CADPS2: variants seen among roughly 807,000 people sequenced by gnomAD.
CADPS2 encodes calcium-dependent secretion activator 2.
CADPS2 carries 93 observed loss-of-function variants against 172.5 expected under a neutral mutation model. The ratio of observed to expected loss-of-function variants is 0.54; its 90% confidence interval spans 0.46 to 0.64. The LOEUF is 0.64. Among genes scored for constraint, CADPS2 ranks in the 30% least tolerant of loss-of-function variants. CADPS2 has a pLI of 0.00. For missense variants in CADPS2, 1,420 were observed against 1,565.9 expected, an observed-to-expected ratio of 0.91 and a Z score of 1.57; for synonymous variants, 546 against 555.2, an observed-to-expected ratio of 0.98 and a Z score of 0.23.
chr7:122,732,804 T>TATATATATA (rs57267990), intron 2 of CADPS2, among the ~76,000 whole-genome samples: 1 of 140,640 alleles, frequency 7.1e-6, no homozygotes, highest in African/African-American at 2.7e-5. Flanking sequence ...ACATTATATA[T>TATATATATA]TATATACATA....
intron 2 of CADPS2, among the ~76,000 whole-genome samples, chr7:122,675,787 G>C (rs1326226836): frequency 6.6e-6 from 1 of 152,076 alleles, no homozygotes; most frequent in African/African-American, 2.4e-5. Context: ...CATGCACGCA[G>C]GGAGGGGAAC....
chr7:122,406,070 T>TC (rs2151644549), intron 20 of CADPS2, among the ~76,000 whole-genome samples: 1 of 152,298 alleles, frequency 6.6e-6, no homozygotes, highest in East Asian at 1.9e-4. Flanking sequence ...ACATGATGCC[T>TC]CCCTTACTAG....
At chr7:122,617,792 T>C (rs911177491) in intron 5 of CADPS2, among the ~76,000 whole-genome samples, 8 of 152,060 alleles carry the variant, frequency 5.3e-5, no homozygotes, top group East Asian at 1.9e-4. Flanking sequence ...GCCTGTAATC[T>C]CAGCACTTTG....
intron 14 of CADPS2, among the ~76,000 whole-genome samples, chr7:122,460,585 T>C (rs905502848): frequency 2.6e-5 from 4 of 152,028 alleles, no homozygotes; most frequent in South Asian, 4.1e-4. Context: ...TAATCTTAAG[T>C]ATAAATGTTT....
intron 14 of CADPS2, among the ~76,000 whole-genome samples, chr7:122,452,344 A>C (rs1318702564): frequency 6.6e-6 from 1 of 152,054 alleles, no homozygotes; most frequent in Non-Finnish European, 1.5e-5. Flanking sequence ...ATAACAAAAT[A>C]AACCTTTTGC....
chr7:122,453,306 C>T (rs1381133072), intron 14 of CADPS2, among the ~76,000 whole-genome samples: 2 of 152,052 alleles, frequency 1.3e-5, no homozygotes, highest in Non-Finnish European at 2.9e-5. Context: ...TGAGCTAATA[C>T]TAATATTTTA....
chr7:122,718,240 T>G (rs1448294981), intron 2 of CADPS2, among the ~76,000 whole-genome samples: 2 of 152,088 alleles, frequency 1.3e-5, no homozygotes, highest in African/African-American at 4.8e-5. Context: ...CATCTTAATT[T>G]GACTACTCAA....
intron 14 of CADPS2, among the ~76,000 whole-genome samples, chr7:122,456,952 A>G (rs1374076070): frequency 6.6e-6 from 1 of 152,230 alleles, no homozygotes; most frequent in Non-Finnish European, 1.5e-5. Flanking sequence ...ACTCTTTTAT[A>G]TACATTGAAC....
At chr7:122,821,764 G>A (rs1011004391) in intron 1 of CADPS2, among the ~76,000 whole-genome samples, 1 of 152,106 alleles carries the variant, frequency 6.6e-6, no homozygotes, top group African/African-American at 2.4e-5. Flanking sequence ...AAGTAGAATG[G>A]ACTAAAGGTC....
At position 122,791,371 on chromosome 7, in the gene CADPS2, T is replaced by G. The variant is rs969950451; in HGVS notation, c.340-54303A>C. Among the ~76,000 whole-genome samples, 8 of 152,178 alleles carry G rather than the reference T, an allele frequency of 5.3e-5. No homozygotes were observed. The East Asian group carries it at 1.3e-3, about 26-fold the overall frequency. On this transcript the variant is annotated intron_variant, in intron 1 of 29. Coordinates refer to ENST00000449022, the MANE Select transcript of CADPS2 (RefSeq NM_017954.11). ...CTTAAACCTTGCTACTCTTTTTTTT[T>G]TCTTTCAAATATTCTAATCTTCCAT...
At chr7:122,775,109 T>A (rs765267429) in intron 1 of CADPS2, among the ~76,000 whole-genome samples, 10 of 152,216 alleles carry the variant, frequency 6.6e-5, no homozygotes, top group Non-Finnish European at 1.5e-4. Context: ...TATAAAAGTT[T>A]TATGGAAATT....
intron 7 of CADPS2, among the ~76,000 whole-genome samples, chr7:122,580,263 T>C (rs2068621335): frequency 6.6e-6 from 1 of 152,004 alleles, no homozygotes; most frequent in African/African-American, 2.4e-5. Flanking sequence ...AAGACAAGCC[T>C]GGCCAAGATG....
intron 7 of CADPS2, among the ~76,000 whole-genome samples, chr7:122,566,212 C>T (rs1490716925): frequency 6.6e-6 from 1 of 152,020 alleles, no homozygotes; most frequent in Non-Finnish European, 1.5e-5. Context: ...ACCTGAATGG[C>T]TATTACCAAC....
chr7:122,551,451 A>G (rs1363446697), intron 8 of CADPS2, among the ~76,000 whole-genome samples: 1 of 152,072 alleles, frequency 6.6e-6, no homozygotes, highest in African/African-American at 2.4e-5. Context: ...AATATAAATA[A>G]CATTGATAAA....
intron 1 of CADPS2, 70 bp from the exon 2 acceptor site, chr7:122,737,138 A>G (rs1164749651): frequency 3.9e-6 from 3 of 778,578 alleles, no homozygotes; most frequent in Non-Finnish European, 6.6e-6. Flanking sequence ...ATTAAAAATC[A>G]TATTTGCTGT....
At chr7:122,719,419 G>T (rs142560986) in intron 2 of CADPS2, among the ~76,000 whole-genome samples, 1 of 152,218 alleles carries the variant, frequency 6.6e-6, no homozygotes, top group Non-Finnish European at 1.5e-5. Flanking sequence ...AAGGCAGGGG[G>T]CCAAGTTCAC....
chr7:122,671,722 G>A (rs1333789418), intron 2 of CADPS2, among the ~76,000 whole-genome samples: 3 of 152,014 alleles, frequency 2.0e-5, no homozygotes, highest in Non-Finnish European at 2.9e-5. Context: ...GGATAGGTAC[G>A]GAGATGTAAT....
chr7:122,695,957 T>C (rs1351959164), intron 2 of CADPS2, among the ~76,000 whole-genome samples: 2 of 151,096 alleles, frequency 1.3e-5, no homozygotes, highest in African/African-American at 4.9e-5. Context: ...ATGGAACAAG[T>C]ACCCCACACA....
chr7:122,506,420 T>C (rs17380636), intron 9 of CADPS2, among the ~76,000 whole-genome samples: 8,094 of 152,288 alleles, frequency 0.053, 281 homozygotes, highest in Non-Finnish European at 0.055. Flanking sequence ...TCAGCATCAC[T>C]GCTTTTGATA....
Sources: allele counts gnomAD v4.1 joint callset (sites outside exome capture counted in the v4.1 genomes callset), GRCh38; gene constraint gnomAD v4.1.1; transcripts MANE v1.5; gene names NCBI Gene and HGNC (gene_info 2026-07-23, HGNC 2026-07-21).